The following USP36 variants were observed in gnomAD, a reference collection of about 807,000 sequenced individuals.
USP36 encodes ubiquitin specific peptidase 36.
In USP36, 59 loss-of-function variants were observed where a neutral mutation model predicts 111.5. The ratio of observed to expected loss-of-function variants is 0.53; its 90% CI spans 0.43 to 0.66. The LOEUF (loss-of-function observed/expected upper bound fraction) is 0.66. Among genes scored for constraint, USP36 ranks in the 30% least tolerant of loss-of-function variants. The pLI is 0.00. For synonymous variants in USP36, 628 were observed against 581.0 expected (o/e 1.08, Z -1.16); for missense variants, 1,488 against 1,468.0 (o/e 1.01, Z -0.22).
chr17:78,820,858 G>A (rs2094301623), intron 8 of USP36, 133 bp downstream of exon 8: 2 of 935,350 alleles, frequency 2.1e-6, no homozygotes. Context: ...GGTCTGTACT[G>A]CAAGGCGGCA....
chr17:78,822,561 G>T (rs908001765), intron 6 of USP36, among the ~76,000 whole-genome samples: 6 of 152,146 alleles, frequency 3.9e-5, no homozygotes, highest in Non-Finnish European at 8.8e-5. Context: ...CGTGGGCTTC[G>T]GGGTCAGGAG....
chr17:78,807,768 T>C (rs2093948031), intron 13 of USP36, 132 bp from the exon 14 acceptor site: 3 of 932,976 alleles, frequency 3.2e-6, no homozygotes, highest in African/African-American at 3.4e-5. Flanking sequence ...AAATTATTTA[T>C]CTGGACTCTT....
chr17:78,801,063 G>C (rs1282898513), intron 17 of USP36, among the ~76,000 whole-genome samples: 1 of 139,706 alleles, frequency 7.2e-6, no homozygotes, highest in African/African-American at 2.7e-5. Context: ...TGCAAGCTCC[G>C]CCTCCTGGGT....
intron 5 of USP36, among the ~76,000 whole-genome samples, chr17:78,827,564 G>A (rs1464074078): frequency 1.3e-5 from 2 of 152,162 alleles, no homozygotes; most frequent in South Asian, 2.1e-4. Flanking sequence ...GCAGGCTTGA[G>A]CATTCACTAC....
rs974319263 is a variant in USP36 at position 78,803,088 on chromosome 17, G to A, written c.2810+297C>T. On this transcript the variant is annotated intron_variant, in intron 16 of 20. Transcript: ENST00000449938. This position sits in a 1 kb window ranked among gnomAD's most constrained non-coding sequence, Gnocchi z 4.6. ...TGAGTAGCTGGGACTATAGGTGCAT[G>A]CCACCATGCCCAACCAATTTTTGTT... 3.3e-5 allele frequency among the ~76,000 whole-genome samples: 5 copies of A among 151,958 alleles called. No homozygotes were observed. Among genetic ancestry groups the A allele is most frequent in the African/African-American group, 1.2e-4 (5 of 41,368 alleles).
chr17:78,834,793 A>G (rs895516405), intron 4 of USP36, among the ~76,000 whole-genome samples: 3 of 151,894 alleles, frequency 2.0e-5, no homozygotes, highest in Non-Finnish European at 2.9e-5. Flanking sequence ...TATAATACAC[A>G]TAAGATATGC....
rs912831415 is a variant in USP36 at position 78,798,126 on chromosome 17, C to G, written c.*21-247G>C. The stretch of plus-strand genomic sequence containing the variant: ...ACATGCCACAGATGCCAGGTGTACA[C>G]ACCCCACACCCAACACACACTACAC... On this transcript the variant is annotated intron_variant, in intron 20 of 20. Coordinates refer to ENST00000449938, the MANE Select transcript of USP36 (RefSeq NM_001385174.1). This position sits in a 1 kb window ranked among gnomAD's most constrained non-coding sequence, Gnocchi z 5.1. 1 of 430,194 alleles carries G rather than the reference C, an allele frequency of 2.3e-6. No homozygotes were observed. Among genetic ancestry groups the G allele is most frequent in the African/African-American group, 2.0e-5 (1 of 49,308 alleles). 26.6% of individuals were successfully genotyped at this position (430,194 alleles called of 1,614,324 possible). A position where few individuals can be genotyped will look rare whatever the true frequency, so the allele number is the denominator to read the frequency against.
intron 6 of USP36, among the ~76,000 whole-genome samples, chr17:78,822,681 C>T (rs1474645708): frequency 1.3e-5 from 2 of 152,212 alleles, no homozygotes; most frequent in African/African-American, 4.8e-5. Flanking sequence ...GCCTCCCACG[C>T]CTACGTATCC....
chr17:78,789,840 G>C (rs367592381), intron 3 of USP36, among the ~76,000 whole-genome samples: 11 of 152,302 alleles, frequency 7.2e-5, no homozygotes, highest in Middle Eastern at 3.4e-3. Flanking sequence ...AAAAACAAAG[G>C]GGGTGCGGGT....
intron 6 of USP36, 151 bp from the exon 7 acceptor site, chr17:78,822,155 C>A: frequency 1.2e-6 from 1 of 835,734 alleles, no homozygotes; most frequent in Non-Finnish European, 1.9e-6. Flanking sequence ...GACCCTTAAC[C>A]TCCATCCTCA....
At position 78,799,005 on chromosome 17, in the gene USP36, T is replaced by G. The variant is rs970476022; in HGVS notation, c.3143A>C (p.Lys1048Thr). The G allele has an allele frequency of 6.2e-7, 1 of 1,614,078 alleles. No individual in the cohort carries two copies. Among genetic ancestry groups the G allele is most frequent in the Admixed American group, 1.7e-5 (1 of 60,020 alleles). The change falls in exon 19 of 21, where the codon AAG becomes ACG. Residue 1048 changes from lysine to threonine, a missense_variant. This residue lies in a region of USP36 where 1,073 missense variants were observed against 994.1 expected (regional missense o/e 1.08). Transcript: ENST00000449938. ...AGCATCCTGACTGACCGCCGACATC[T>G]TGCCATCCCAGGTCAGAACTACCAG... Reference protein sequence around the residue: ...YGRKVLTWDGKMSAVSQDAIE... With the variant: ...YGRKVLTWDGTMSAVSQDAIE...
At chr17:78,831,942 CAA>C (rs573258267) in intron 4 of USP36, among the ~76,000 whole-genome samples, 131 of 77,252 alleles carry the variant, frequency 1.7e-3, no homozygotes, top group African/African-American at 6.5e-3. Flanking sequence ...GAGCTTGTCT[CAA>C]AAAAAAAAAA....
At position 78,798,857 on chromosome 17, in the gene USP36, A is replaced by G. The variant is rs746792666; in HGVS notation, c.3240+51T>C. 15 of 1,602,000 alleles carry G rather than the reference A, an allele frequency of 9.4e-6. No individual in the cohort carries two copies. The Admixed American group carries it at 2.5e-4, about 27-fold the overall frequency. ...CTCCAACTGCCCCGGCTCTGAGCTGAGCCACGCCGCCCTGCTCCCTCAAGC... is the reference window on the plus strand; with the variant it reads ...CTCCAACTGCCCCGGCTCTGAGCTGGGCCACGCCGCCCTGCTCCCTCAAGC... On this transcript the variant is annotated intron_variant, in intron 19 of 20. Coordinates refer to ENST00000449938, the MANE Select transcript of USP36 (RefSeq NM_001385174.1). The surrounding 1 kb of genome is among the most constrained non-coding windows in gnomAD (Gnocchi z 5.1).
At chr17:78,822,894 A>G (rs2094364316) in intron 6 of USP36, among the ~76,000 whole-genome samples, 2 of 152,022 alleles carry the variant, frequency 1.3e-5, no homozygotes, top group South Asian at 4.1e-4. Context: ...GCGCCGGTGC[A>G]CCCACTCCCT....
chr17:78,789,693 T>C (rs578121408), intron 3 of USP36, among the ~76,000 whole-genome samples: 15 of 152,364 alleles, frequency 9.8e-5, no homozygotes, highest in South Asian at 6.2e-4. Flanking sequence ...CTTGATTGTA[T>C]CCAGCTGTCA....
At chr17:78,832,383 G>A (rs766192806) in intron 4 of USP36, among the ~76,000 whole-genome samples, 4 of 152,094 alleles carry the variant, frequency 2.6e-5, no homozygotes, top group Non-Finnish European at 5.9e-5. Context: ...GATCCAGTGG[G>A]GTGCAGGAAA....
chr17:78,833,897 C>G (rs1385127288), intron 4 of USP36, among the ~76,000 whole-genome samples: 1 of 152,148 alleles, frequency 6.6e-6, no homozygotes, highest in Non-Finnish European at 1.5e-5. Context: ...GAAAGATTCT[C>G]TCCTCCTCTA....
chr17:78,793,116 C>CCTG (rs1396224045), downstream of USP36, among the ~76,000 whole-genome samples: 1 of 151,894 alleles, frequency 6.6e-6, no homozygotes, highest in Non-Finnish European at 1.5e-5. Flanking sequence ...CCCAGGTGCT[C>CCTG]CTGCTGCCCT....
chr17:78,834,997 G>GTATATATATATATATATATA lies in USP36; in HGVS notation c.475+263_475+282dup, dbSNP rs10527657. Among the ~76,000 whole-genome samples, 1,000 of 141,194 alleles carry GTATATATATATATATATATA rather than the reference G, an allele frequency of 7.1e-3. 20 individuals are homozygous for GTATATATATATATATATATA. The highest frequency in any genetic ancestry group is 0.026 in the African/African-American group (935 of 35,636). The allele number at this position is 141,194 out of a possible 152,430, so 92.6% of individuals were successfully genotyped here. A position where few individuals can be genotyped will look rare whatever the true frequency, so the allele number is the denominator to read the frequency against. On this transcript the variant is annotated intron_variant, in intron 4 of 20. Coordinates refer to ENST00000449938, the MANE Select transcript of USP36 (RefSeq NM_001385174.1). ...TACTGTCTCTAAAAAAATAATATTT[G>GTATATATATATATATATATA]TATATATATATATATATATATTTTG...
Sources: allele counts gnomAD v4.1 joint callset (sites outside exome capture counted in the v4.1 genomes callset), GRCh38; gene constraint gnomAD v4.1.1; regional missense constraint gnomAD v4.1.1; non-coding constraint Gnocchi (gnomAD v3.1); transcripts MANE v1.5; gene names NCBI Gene and HGNC (gene_info 2026-07-23, HGNC 2026-07-21).